The following RORA variants were observed in gnomAD, a reference collection of about 807,000 sequenced individuals.
RORA encodes nuclear receptor ROR-alpha.
A neutral mutation model predicts 69.5 loss-of-function variants in RORA; 7 were observed. The ratio of observed to expected loss-of-function variants is 0.10; its 90% CI spans 0.06 to 0.19. RORA has a LOEUF of 0.19. Among genes scored for constraint, RORA ranks in the 10% least tolerant of loss-of-function variants. The probability of loss-of-function intolerance (pLI) is 1.00; values close to 1 mark genes in which losing one functional copy is unlikely to be tolerated. For synonymous variants in RORA, 261 were observed against 240.8 expected (o/e 1.08, Z -0.78); for missense variants, 457 against 663.0 (o/e 0.69, Z 3.41).
At position 60,839,056 on chromosome 15, in the gene RORA, C is replaced by G. The variant is rs2073161134; in HGVS notation, c.167-160370G>C. ...GGCGCCCGCCACCACACCCACCTGG[C>G]TAAATTTTTTTTTGTATTTTTTTAG... On this transcript the variant is annotated intron_variant, in intron 1 of 10. Transcript: ENST00000335670. Among the ~76,000 whole-genome samples, 3 of 151,966 alleles carry G rather than the reference C, an allele frequency of 2.0e-5. No homozygotes were observed. In the South Asian group the frequency reaches 6.3e-4, roughly 32 times the overall value.
chr15:60,994,597 GAGA>G (rs1473700529), intron 1 of RORA, among the ~76,000 whole-genome samples: 1 of 152,210 alleles, frequency 6.6e-6, no homozygotes, highest in Non-Finnish European at 1.5e-5. Context: ...AGGAGGATTT[GAGA>G]AGGAGAAATC....
chr15:60,674,920 T>C (rs1025070177), intron 2 of RORA, among the ~76,000 whole-genome samples: 4 of 151,974 alleles, frequency 2.6e-5, no homozygotes, highest in African/African-American at 9.7e-5. Flanking sequence ...TAAACAAGGA[T>C]GAGAACAGAA....
chr15:60,586,278 C>T (rs1236765024), intron 2 of RORA, among the ~76,000 whole-genome samples: 1 of 152,092 alleles, frequency 6.6e-6, no homozygotes, highest in African/African-American at 2.4e-5. Flanking sequence ...GGGTTAAGTG[C>T]CAAGTCAATT....
intron 1 of RORA, among the ~76,000 whole-genome samples, chr15:61,125,884 C>G (rs2079138609): frequency 6.6e-6 from 1 of 152,196 alleles, no homozygotes; most frequent in Non-Finnish European, 1.5e-5. Flanking sequence ...ATCACATTTC[C>G]TGTGAGCAGG....
chr15:61,001,600 T>G (rs1453232621), intron 1 of RORA, among the ~76,000 whole-genome samples: 1 of 152,242 alleles, frequency 6.6e-6, no homozygotes, highest in African/African-American at 2.4e-5. Context: ...AGTCACTCTT[T>G]CAACAAGTAT....
At chr15:60,593,118 T>C (rs2068587966) in intron 2 of RORA, 1 of 319,898 alleles carries the variant, frequency 3.1e-6, no homozygotes, top group African/African-American at 2.3e-5. Flanking sequence ...CCGAAGTCTT[T>C]CTGGAGAGAC....
intron 1 of RORA, among the ~76,000 whole-genome samples, chr15:60,899,581 C>T (rs1230348954): frequency 6.6e-6 from 1 of 152,204 alleles, no homozygotes; most frequent in East Asian, 1.9e-4. Flanking sequence ...GTTAGGTTGA[C>T]AGATATCTGA....
intron 1 of RORA, among the ~76,000 whole-genome samples, chr15:61,052,055 C>T (rs1376834710): frequency 6.6e-6 from 1 of 152,224 alleles, no homozygotes; most frequent in African/African-American, 2.4e-5. Context: ...CTATCGTCTG[C>T]AGTCAGAAAC....
rs77677671 is a variant in RORA at position 60,867,580 on chromosome 15, C to A, written c.167-188894G>T. On this transcript the variant is annotated intron_variant, in intron 1 of 10. Coordinates refer to ENST00000335670, the MANE Select transcript of RORA (RefSeq NM_134261.3). ...AGGCTATATATTTGACCTACATCGC[C>A]CTTTTTGCCAAGTTTATTTTAATGT... Among the ~76,000 whole-genome samples, 5 of 152,248 alleles carry A rather than the reference C, an allele frequency of 3.3e-5. No homozygotes were observed. In the East Asian group the frequency reaches 9.6e-4, roughly 29 times the overall value.
At chr15:61,072,992 C>T (rs1421099259) in intron 1 of RORA, among the ~76,000 whole-genome samples, 1 of 152,170 alleles carries the variant, frequency 6.6e-6, no homozygotes, top group African/African-American at 2.4e-5. Context: ...TTGGGTAGAC[C>T]TAAGGTAGTT....
chr15:60,769,021 A>T (rs1017664798), intron 1 of RORA, among the ~76,000 whole-genome samples: 7 of 152,172 alleles, frequency 4.6e-5, no homozygotes, highest in African/African-American at 1.7e-4. Flanking sequence ...TTCGGTCAAC[A>T]TCCTAATCAG....
At chr15:61,172,414 A>C (rs2140894724) in intron 1 of RORA, among the ~76,000 whole-genome samples, 1 of 152,318 alleles carries the variant, frequency 6.6e-6, no homozygotes, top group Non-Finnish European at 1.5e-5. Flanking sequence ...GGCCATCTAA[A>C]ATCGGTTGGC....
chr15:60,878,799 C>T (rs765905571), intron 1 of RORA, among the ~76,000 whole-genome samples: 1 of 152,214 alleles, frequency 6.6e-6, no homozygotes, highest in Non-Finnish European at 1.5e-5. Context: ...TAATGTCTTG[C>T]AGGGCGTTAG....
rs2066703167 is a variant in RORA at position 60,537,084 on chromosome 15, G to C, written c.197-5233C>G. On this transcript the variant is annotated intron_variant, in intron 2 of 10. Transcript: ENST00000335670. This position sits in a 1 kb window ranked among gnomAD's most constrained non-coding sequence, Gnocchi z 4.9. ...GATTAGTCACTTTATTTTATCCCCT[G>C]TTTAAAACTGCCAGGGTATTAAAGG... Among the ~76,000 whole-genome samples, 1 of 152,144 alleles carries C rather than the reference G, an allele frequency of 6.6e-6. No individual in the cohort carries two copies. Among genetic ancestry groups the C allele is most frequent in the Non-Finnish European group, 1.5e-5 (1 of 68,016 alleles).
intron 1 of RORA, among the ~76,000 whole-genome samples, chr15:61,219,766 C>T (rs1426090252): frequency 6.6e-6 from 1 of 152,146 alleles, no homozygotes; most frequent in Non-Finnish European, 1.5e-5. Context: ...GCTAGGCTCG[C>T]TGATTCATAA....
intron 2 of RORA, among the ~76,000 whole-genome samples, chr15:60,626,623 G>A (rs1369649892): frequency 2.6e-5 from 4 of 152,110 alleles, no homozygotes; most frequent in Non-Finnish European, 5.9e-5. Context: ...TGAGGCTGTC[G>A]CTGTTATTAC....
intron 1 of RORA, among the ~76,000 whole-genome samples, chr15:60,903,862 C>G (rs1017868623): frequency 6.6e-6 from 1 of 152,174 alleles, no homozygotes; most frequent in African/African-American, 2.4e-5. Context: ...CACAGCAAAC[C>G]TCTTATATAA....
At chr15:60,505,892 T>C (rs916575397) in intron 5 of RORA, among the ~76,000 whole-genome samples, 3 of 152,168 alleles carry the variant, frequency 2.0e-5, no homozygotes, top group Non-Finnish European at 4.4e-5. Context: ...TCTGTGCCTT[T>C]ATACCAATGT....
rs115365280 is a variant in RORA at position 61,011,484 on chromosome 15, G to A, written c.166+217569C>T. The stretch of plus-strand genomic sequence containing the variant: ...ACTTTAGGTATCTGTGAGCATAGTT[G>A]GCTTGAAAAAACAAAACAAAACAAC... On this transcript the variant is annotated intron_variant, in intron 1 of 10. Transcript: ENST00000335670. 3.0e-3 allele frequency among the ~76,000 whole-genome samples: 450 copies of A among 152,090 alleles called. 1 individual carries two copies. Among genetic ancestry groups the A allele is most frequent in the African/African-American group, 0.011 (436 of 41,490 alleles).
Sources: allele counts gnomAD v4.1 joint callset (sites outside exome capture counted in the v4.1 genomes callset), GRCh38; gene constraint gnomAD v4.1.1; non-coding constraint Gnocchi (gnomAD v3.1); transcripts MANE v1.5; gene names NCBI Gene and HGNC (gene_info 2026-07-23, HGNC 2026-07-21).